Variants in FOXK1 observed in about 807,000 individuals in gnomAD.
FOXK1 encodes the protein forkhead box K1.
In FOXK1, 19 loss-of-function variants were observed where a neutral mutation model predicts 51.9. The ratio of observed to expected loss-of-function variants is 0.37; its 90% CI spans 0.26 to 0.54. The LOEUF (loss-of-function observed/expected upper bound fraction) is 0.54, where lower values mean the gene tolerates loss of function less well. Among genes scored for constraint, FOXK1 ranks in the 20% least tolerant of loss-of-function variants. FOXK1 has a pLI of 0.87. For missense variants in FOXK1, 870 were observed against 1,032.7 expected (o/e 0.84, Z 2.16); for synonymous variants, 537 against 482.6 (o/e 1.11, Z -1.48).
Position 4,682,680 on chromosome 7 carries a change from C to T in FOXK1, c.372C>T (p.Thr124=). Residue 124 remains threonine (T), a synonymous_variant, in exon 1 of 9, where the codon ACC becomes ACT. Coordinates refer to ENST00000328914, the MANE Select transcript of FOXK1 (RefSeq NM_001037165.2). This position sits in a 1 kb window ranked among gnomAD's most constrained non-coding sequence, Gnocchi z 7.6. The part of the protein sequence containing the change: ...FEFLMRQPSV[T]IGRNSSQGSV... Reference sequence around the variant, plus strand: ...TCCTCATGCGCCAGCCCAGCGTCACCATCGGCCGCAACTCGTCGCAGGGCT... The same window carrying T: ...TCCTCATGCGCCAGCCCAGCGTCACTATCGGCCGCAACTCGTCGCAGGGCT... 1 of 1,598,502 alleles carries T rather than the reference C, an allele frequency of 6.3e-7. No homozygotes were observed. Among genetic ancestry groups the T allele is most frequent in the Non-Finnish European group, 8.5e-7 (1 of 1,176,654 alleles).
Position 4,762,648 on chromosome 7 carries a change from A to G in FOXK1, c.*184A>G. 1 of 601,374 alleles carries G rather than the reference A, an allele frequency of 1.7e-6. No homozygotes were observed. The highest frequency in any genetic ancestry group is 2.9e-6 in the Non-Finnish European group (1 of 341,452). 37.3% of individuals were successfully genotyped at this position (601,374 alleles called of 1,614,324 possible). A position where few individuals can be genotyped will look rare whatever the true frequency, so the allele number is the denominator to read the frequency against. On this transcript the variant is annotated 3_prime_UTR_variant, in exon 9 of 9. Coordinates refer to ENST00000328914, the MANE Select transcript of FOXK1 (RefSeq NM_001037165.2). The surrounding 1 kb of genome is among the most constrained non-coding windows in gnomAD (Gnocchi z 5.7). ...GCCTGCCTTCCCGTGGTTTAAGACA[A>G]AAACACATAAACAAGTTCAGACAAC...
intron 1 of FOXK1, among the ~76,000 whole-genome samples, chr7:4,712,013 G>A (rs1489784460): frequency 1.3e-5 from 2 of 152,022 alleles, no homozygotes; most frequent in Non-Finnish European, 2.9e-5. Context: ...GTCCGAAGCT[G>A]GAAGTTCAGA....
chr7:4,734,179 A>T lies in FOXK1; in HGVS notation c.561-6659A>T, dbSNP rs948993636. 3.3e-5 allele frequency among the ~76,000 whole-genome samples: 5 copies of T among 152,186 alleles called. No individual in the cohort carries two copies. The highest frequency in any genetic ancestry group is 1.2e-4 in the African/African-American group (5 of 41,446). ...TAGGAGACAGCAGATGCATTCCCAGAGCTCCTGAGAAGGAGCGGCTTGTGT... is the reference window on the plus strand; with the variant it reads ...TAGGAGACAGCAGATGCATTCCCAGTGCTCCTGAGAAGGAGCGGCTTGTGT... On this transcript the variant is annotated intron_variant, in intron 1 of 8. Transcript: ENST00000328914. This position sits in a 1 kb window ranked among gnomAD's most constrained non-coding sequence, Gnocchi z 5.2.
chr7:4,684,699 C>CT (rs1243335870), intron 1 of FOXK1, among the ~76,000 whole-genome samples: 1 of 152,158 alleles, frequency 6.6e-6, no homozygotes, highest in Non-Finnish European at 1.5e-5. Flanking sequence ...ACAGACGCAC[C>CT]TTTATATAAC....
intron 1 of FOXK1, among the ~76,000 whole-genome samples, chr7:4,700,687 G>A (rs542231882): frequency 6.6e-6 from 1 of 152,124 alleles, no homozygotes; most frequent in Admixed American, 6.5e-5. Flanking sequence ...GTGGTATCAT[G>A]CACCTGTGGT....
In FOXK1 at chr7:4,766,820, C is replaced by A. The variant is rs1781017661; in HGVS notation, c.*4356C>A. On this transcript the variant is annotated 3_prime_UTR_variant, in exon 9 of 9. Transcript: ENST00000328914. The surrounding 1 kb of genome is among the most constrained non-coding windows in gnomAD (Gnocchi z 5.5). ...CATAAAGAGGGCCCTCCCTGGAGCA[C>A]CCCCGGGGAGCTGGGACTCTCCAGA... is the stretch of plus-strand genomic sequence containing the variant. 1 of 152,232 alleles carries A rather than the reference C, an allele frequency of 6.6e-6. No individual in the cohort carries two copies. Among genetic ancestry groups the A allele is most frequent in the African/African-American group, 2.4e-5 (1 of 41,456 alleles). 9.4% of individuals were successfully genotyped at this position (152,232 alleles called of 1,614,324 possible).
intron 1 of FOXK1, among the ~76,000 whole-genome samples, chr7:4,732,525 GTCAAGCGATCGTCC>G (rs1417102090): frequency 6.6e-6 from 1 of 152,030 alleles, no homozygotes; most frequent in African/African-American, 2.4e-5. Context: ...AACTCCTAGG[GTCAAGCGATCGTCC>G]CACCTCAGCC....
intron 1 of FOXK1, among the ~76,000 whole-genome samples, chr7:4,739,403 T>C (rs543034169): frequency 1.3e-5 from 2 of 151,654 alleles, no homozygotes; most frequent in Non-Finnish European, 1.5e-5. Context: ...TTACATTGTT[T>C]TTGTTTTTGT....
intron 1 of FOXK1, among the ~76,000 whole-genome samples, chr7:4,716,884 T>C (rs905163143): frequency 1.2e-4 from 18 of 152,358 alleles, no homozygotes; most frequent in South Asian, 4.1e-4. Flanking sequence ...TTAAAATTGG[T>C]TGGTTTGTGT....
intron 7 of FOXK1, 131 bp downstream of exon 7, chr7:4,759,726 G>C: frequency 8.9e-7 from 1 of 1,120,538 alleles, no homozygotes; most frequent in Non-Finnish European, 1.2e-6. Flanking sequence ...GCCTCTCGCT[G>C]CCTTGTCCCT....
chr7:4,715,006 G>A lies in FOXK1; in HGVS notation c.561-25832G>A, dbSNP rs1453464438. ...TGCATCTTTTTCTTGGTACAGAACA[G>A]AAGCCACACACCAGCGACAATCAGA... is the stretch of plus-strand genomic sequence containing the variant. On this transcript the variant is annotated intron_variant, in intron 1 of 8. Transcript: ENST00000328914. The surrounding 1 kb of genome is among the most constrained non-coding windows in gnomAD (Gnocchi z 4.5). 6.6e-6 allele frequency among the ~76,000 whole-genome samples: 1 copy of A among 152,178 alleles called. No individual in the cohort carries two copies. The highest frequency in any genetic ancestry group is 2.4e-5 in the African/African-American group (1 of 41,446).
At position 4,756,151 on chromosome 7, in the gene FOXK1, G is replaced by C. The variant is rs936881814; in HGVS notation, c.1050+768G>C. 3.9e-5 allele frequency among the ~76,000 whole-genome samples: 6 copies of C among 152,130 alleles called. No homozygotes were observed. The highest frequency in any genetic ancestry group is 1.4e-4 in the African/African-American group (6 of 41,434). Reference sequence around the variant, plus strand: ...GTTTTTTGAGACAGGATCTCGCTCTGCCATCCCGGCTGGAGTGTGGTGGCG... The same window carrying C: ...GTTTTTTGAGACAGGATCTCGCTCTCCCATCCCGGCTGGAGTGTGGTGGCG... On this transcript the variant is annotated intron_variant, in intron 4 of 8. Coordinates refer to ENST00000328914, the MANE Select transcript of FOXK1 (RefSeq NM_001037165.2). The surrounding 1 kb of genome is among the most constrained non-coding windows in gnomAD (Gnocchi z 4.1).
In FOXK1 at chr7:4,683,198, C is replaced by T. The variant is rs115028401; in HGVS notation, c.560+330C>T. ...ACCCACACCTTGCGGCTCCTGGGGT[C>T]ACCCCTGACCTCATCTCCCACCGGC... On this transcript the variant is annotated intron_variant, in intron 1 of 8. Coordinates refer to ENST00000328914, the MANE Select transcript of FOXK1 (RefSeq NM_001037165.2). This position sits in a 1 kb window ranked among gnomAD's most constrained non-coding sequence, Gnocchi z 4.5. Among the ~76,000 whole-genome samples, 1,154 of 151,502 alleles carry T rather than the reference C, an allele frequency of 7.6e-3. 14 individuals carry two copies. The highest frequency in any genetic ancestry group is 0.025 in the African/African-American group (1,015 of 41,300).
chr7:4,696,562 C>T (rs909585529), intron 1 of FOXK1, among the ~76,000 whole-genome samples: 18 of 152,140 alleles, frequency 1.2e-4, no homozygotes, highest in Admixed American at 2.6e-4. Flanking sequence ...GTGTGAATAC[C>T]GGGTATCTCC....
intron 7 of FOXK1, 39 bp downstream of exon 7, chr7:4,759,634 T>C: frequency 6.6e-7 from 1 of 1,511,410 alleles, no homozygotes; most frequent in Non-Finnish European, 8.8e-7. Flanking sequence ...CAGGACCCTT[T>C]GTGGTGGTCC....
At chr7:4,750,774 G>T (rs1013570252) in intron 2 of FOXK1, among the ~76,000 whole-genome samples, 1 of 150,034 alleles carries the variant, frequency 6.7e-6, no homozygotes, top group African/African-American at 2.4e-5. Context: ...GCATAATCTC[G>T]GCTCACTGCA....
rs1780476925 is a variant in FOXK1 at position 4,731,609 on chromosome 7, A to C, written c.561-9229A>C. Among the ~76,000 whole-genome samples, 1 of 151,930 alleles carries C rather than the reference A, an allele frequency of 6.6e-6. No homozygotes were observed. The highest frequency in any genetic ancestry group is 2.4e-5 in the African/African-American group (1 of 41,372). ...ACCCCATCTCTACTAAAAATACAAA[A>C]ATTAGCCGGGCATGGTGGTGGGCAC... is the stretch of plus-strand genomic sequence containing the variant. On this transcript the variant is annotated intron_variant, in intron 1 of 8. Transcript: ENST00000328914. The surrounding 1 kb of genome is among the most constrained non-coding windows in gnomAD (Gnocchi z 5.3).
chr7:4,740,973 G>A lies in FOXK1; in HGVS notation c.696G>A (p.Pro232=), dbSNP rs189078597. 190 of 1,563,396 alleles carry A rather than the reference G, an allele frequency of 1.2e-4. No individual in the cohort carries two copies. Among genetic ancestry groups the A allele is most frequent in the Admixed American group, 5.0e-4 (25 of 50,286 alleles). The part of the protein sequence containing the change: ...ISPLKIHIPE[P]DLRSMVSPVP... The stretch of plus-strand genomic sequence containing the variant: ...CTCTGAAGATCCACATCCCGGAGCC[G>A]GACCTCCGGAGCATGGTCAGCCCCG... The change falls in exon 2 of 9, where the codon CCG becomes CCA. Residue 232 remains proline (P), a synonymous_variant. Transcript: ENST00000328914.
intron 1 of FOXK1, among the ~76,000 whole-genome samples, chr7:4,726,303 C>T (rs1458953098): frequency 1.3e-5 from 2 of 152,094 alleles, no homozygotes; most frequent in South Asian, 2.1e-4. Flanking sequence ...CGCGGCAGGA[C>T]GGCGATCACC....
Sources: allele counts gnomAD v4.1 joint callset (sites outside exome capture counted in the v4.1 genomes callset), GRCh38; gene constraint gnomAD v4.1.1; non-coding constraint Gnocchi (gnomAD v3.1); transcripts MANE v1.5; gene names NCBI Gene and HGNC (gene_info 2026-07-23, HGNC 2026-07-21).